Variants in CADPS2 observed in about 807,000 individuals in gnomAD.
CADPS2 encodes calcium dependent secretion activator 2.
Under a neutral mutation model 172.5 loss-of-function variants are expected in CADPS2, and 93 were observed. The observed-to-expected ratio is 0.54, with a 90% CI of 0.46 to 0.64. The LOEUF is 0.64. Ranked by LOEUF, CADPS2 falls within the 30% of genes least tolerant of loss-of-function variation. The pLI, the probability that CADPS2 is intolerant of heterozygous loss-of-function variation, is 0.00. For synonymous variants in CADPS2, 546 were observed against 555.2 expected (o/e 0.98, Z 0.23); for missense variants, 1,420 against 1,565.9 (o/e 0.91, Z 1.57).
chr7:122,475,483 G>C (rs1390330023), intron 12 of CADPS2, among the ~76,000 whole-genome samples: 1 of 152,158 alleles, frequency 6.6e-6, no homozygotes. Flanking sequence ...GCTAAGTGTA[G>C]TTTGTAAAAC....
chr7:122,415,758 C>T (rs1290866292), intron 18 of CADPS2, among the ~76,000 whole-genome samples: 1 of 152,132 alleles, frequency 6.6e-6, no homozygotes, highest in African/African-American at 2.4e-5. Context: ...AACTGATGAG[C>T]TAATTTCTCA....
intron 3 of CADPS2, among the ~76,000 whole-genome samples, chr7:122,651,222 T>A (rs1460320570): frequency 6.6e-6 from 1 of 150,890 alleles, no homozygotes; most frequent in Non-Finnish European, 1.5e-5. Flanking sequence ...TTACTGTATG[T>A]TAAATGAAAC....
At chr7:122,709,613 T>C (rs893983139) in intron 2 of CADPS2, among the ~76,000 whole-genome samples, 6 of 151,864 alleles carry the variant, frequency 4.0e-5, no homozygotes, top group South Asian at 2.1e-4. Context: ...CACACGTATG[T>C]TTATTGCGGC....
At chr7:122,519,023 C>G (rs2060584814) in intron 8 of CADPS2, among the ~76,000 whole-genome samples, 1 of 146,932 alleles carries the variant, frequency 6.8e-6, no homozygotes, top group Non-Finnish European at 1.5e-5. Flanking sequence ...CAAAAGAACA[C>G]AAATATCATC....
chr7:122,332,078 A>G (rs2035046410), intron 28 of CADPS2: 1 of 152,208 alleles, frequency 6.6e-6, no homozygotes, highest in Admixed American at 6.5e-5. Flanking sequence ...TTTCCAAAAA[A>G]GCCCATTCAA....
At chr7:122,520,789 C>T (rs924572254) in intron 8 of CADPS2, among the ~76,000 whole-genome samples, 1 of 152,072 alleles carries the variant, frequency 6.6e-6, no homozygotes, top group African/African-American at 2.4e-5. Flanking sequence ...AATGGTAGCA[C>T]ACAATTCTAA....
In CADPS2 at chr7:122,885,984, G is replaced by A; in HGVS notation, c.339+15C>T. On this transcript the variant is annotated intron_variant, in intron 1 of 29. Coordinates refer to ENST00000449022, the MANE Select transcript of CADPS2 (RefSeq NM_017954.11). ...GGAGAAGTGGTGGTAGGAGGCGCCCGGTCCCGCAACTCACCTTCTGCTGCC... is the reference window on the plus strand; with the variant it reads ...GGAGAAGTGGTGGTAGGAGGCGCCCAGTCCCGCAACTCACCTTCTGCTGCC... The A allele has an allele frequency of 1.3e-6, 2 of 1,595,782 alleles. No homozygotes were observed. Among genetic ancestry groups the A allele is most frequent in the Non-Finnish European group, 1.7e-6 (2 of 1,171,628 alleles).
At chr7:122,566,801 C>A (rs1024149445) in intron 7 of CADPS2, among the ~76,000 whole-genome samples, 2 of 152,282 alleles carry the variant, frequency 1.3e-5, no homozygotes, top group Admixed American at 1.3e-4. Context: ...TGCTTTCTAG[C>A]ATAACTTTGC....
At chr7:122,792,629 T>C (rs1795529501) in intron 1 of CADPS2, among the ~76,000 whole-genome samples, 1 of 152,206 alleles carries the variant, frequency 6.6e-6, no homozygotes, top group East Asian at 1.9e-4. Context: ...AACAAACTTA[T>C]TTAGTAGTAT....
intron 1 of CADPS2, among the ~76,000 whole-genome samples, chr7:122,754,957 CAA>C (rs2093099375): frequency 1.3e-5 from 2 of 152,044 alleles, no homozygotes; most frequent in Non-Finnish European, 2.9e-5. Flanking sequence ...TTTTTTTAAT[CAA>C]GTTTCTGAAT....
intron 2 of CADPS2, among the ~76,000 whole-genome samples, chr7:122,736,550 C>T (rs2092163699): frequency 6.6e-6 from 1 of 152,084 alleles, no homozygotes; most frequent in Non-Finnish European, 1.5e-5. Flanking sequence ...TCAATTCATC[C>T]TCTTGAAATT....
intron 9 of CADPS2, among the ~76,000 whole-genome samples, chr7:122,492,461 T>C (rs2058380058): frequency 6.6e-6 from 1 of 152,114 alleles, no homozygotes; most frequent in African/African-American, 2.4e-5. Flanking sequence ...CAAGGCCATA[T>C]TTGAACAAAA....
intron 28 of CADPS2, among the ~76,000 whole-genome samples, chr7:122,332,377 G>A (rs1288010194): frequency 6.8e-6 from 1 of 147,966 alleles, no homozygotes; most frequent in Non-Finnish European, 1.5e-5. Context: ...CTCTATATAT[G>A]TGACTTTCTT....
intron 28 of CADPS2, among the ~76,000 whole-genome samples, chr7:122,340,376 G>C (rs1327856751): frequency 6.6e-6 from 1 of 152,154 alleles, no homozygotes; most frequent in Non-Finnish European, 1.5e-5. Flanking sequence ...AAATGAGATA[G>C]TTTCCAAGGG....
chr7:122,640,496 T>TAGAG (rs995851452), intron 3 of CADPS2, among the ~76,000 whole-genome samples: 1 of 121,970 alleles, frequency 8.2e-6, no homozygotes, highest in African/African-American at 3.0e-5. Context: ...CACACAGAGA[T>TAGAG]AGAGAGAGAG....
At chr7:122,724,142 C>T (rs536181324) in intron 2 of CADPS2, among the ~76,000 whole-genome samples, 18 of 151,532 alleles carry the variant, frequency 1.2e-4, no homozygotes, top group South Asian at 6.3e-4. Flanking sequence ...CAAACCTGCA[C>T]GTTTTGCACA....
intron 25 of CADPS2, among the ~76,000 whole-genome samples, chr7:122,378,420 T>C (rs569390952): frequency 6.6e-6 from 1 of 152,192 alleles, no homozygotes; most frequent in South Asian, 2.1e-4. Context: ...AAAACATGTA[T>C]GCTAATTTGC....
intron 6 of CADPS2, among the ~76,000 whole-genome samples, chr7:122,603,632 TCAAA>T (rs2073099177): frequency 6.6e-6 from 1 of 152,072 alleles, no homozygotes; most frequent in Non-Finnish European, 1.5e-5. Flanking sequence ...AGAAACAGAC[TCAAA>T]CAGATATAAA....
intron 2 of CADPS2, among the ~76,000 whole-genome samples, chr7:122,736,507 G>A (rs1228407866): frequency 6.6e-6 from 1 of 152,112 alleles, no homozygotes; most frequent in Non-Finnish European, 1.5e-5. Context: ...GAATGGTATT[G>A]GTAGTATTAT....
Sources: allele counts gnomAD v4.1 joint callset (sites outside exome capture counted in the v4.1 genomes callset), GRCh38; gene constraint gnomAD v4.1.1; transcripts MANE v1.5; gene names NCBI Gene and HGNC (gene_info 2026-07-23, HGNC 2026-07-21).